The following PDK1 variants were observed in gnomAD, a reference collection of about 807,000 sequenced individuals.
The protein encoded by PDK1 is pyruvate dehydrogenase kinase 1, also known as [Pyruvate dehydrogenase (acetyl-transferring)] kinase isozyme 1, mitochondrial.
In PDK1, 39 loss-of-function variants were observed where a neutral mutation model predicts 54.2. The ratio of observed to expected loss-of-function variants is 0.72; its 90% CI spans 0.56 to 0.94. The LOEUF (loss-of-function observed/expected upper bound fraction) is 0.94, where lower values mean the gene tolerates loss of function less well. Ranked by LOEUF, PDK1 falls within the 40% of genes least tolerant of loss-of-function variation. The pLI is 0.00. For synonymous variants in PDK1, 221 were observed against 207.1 expected, an observed-to-expected ratio of 1.07 and a Z score of -0.58; for missense variants, 552 against 566.0, an observed-to-expected ratio of 0.98 and a Z score of 0.25.
At chr2:172,637,428 A>G in the PDK1 span, among the ~76,000 whole-genome samples, 1 of 148,374 alleles carries the variant, frequency 6.7e-6, no homozygotes. Context: ...TACCTGATAC[A>G]CCTTAACCCA....
chr2:172,658,422 T>C, the PDK1 span, among the ~76,000 whole-genome samples: 1 of 152,214 alleles, frequency 6.6e-6, no homozygotes, highest in Admixed American at 6.5e-5. Flanking sequence ...GTGATGATTG[T>C]GTTAACTGTA....
At chr2:172,657,647 T>C in the PDK1 span, among the ~76,000 whole-genome samples, 2 of 152,034 alleles carry the variant, frequency 1.3e-5, no homozygotes, top group Non-Finnish European at 2.9e-5. Flanking sequence ...CAATAGCAGG[T>C]GCAAGAAGAT....
At chr2:172,699,095 G>T in the PDK1 span, among the ~76,000 whole-genome samples, 3 of 152,180 alleles carry the variant, frequency 2.0e-5, no homozygotes, top group Non-Finnish European at 4.4e-5. Context: ...CATGTCCCCA[G>T]AATCTATTGT....
the PDK1 span, among the ~76,000 whole-genome samples, chr2:172,671,978 C>T: frequency 6.6e-6 from 1 of 152,072 alleles, no homozygotes. Context: ...GAGAGAAAGT[C>T]AGCTGCCGTT....
At chr2:172,630,975 T>A in the PDK1 span, among the ~76,000 whole-genome samples, 1 of 152,158 alleles carries the variant, frequency 6.6e-6, no homozygotes, top group African/African-American at 2.4e-5. Context: ...CCCCAGGTAC[T>A]CAAAAAATAT....
the PDK1 span, among the ~76,000 whole-genome samples, chr2:172,622,441 C>T: frequency 2.1e-5 from 3 of 144,348 alleles, no homozygotes; most frequent in Admixed American, 2.1e-4. Context: ...ATGTTTATAT[C>T]TCATATATTA....
Position 172,562,260 on chromosome 2 carries a change from A to C in PDK1, c.379A>C (p.Lys127Gln), listed in dbSNP as rs1688692961. ...SLQELLDFKD[K>Q]SAEDAKAIYD... ...TCAGGAGCTTCTTGATTTTAAGGAC[A>C]AAAGTGCTGAGGATGCTAAAGCTAT... Residue 127 changes from lysine to glutamine, a missense_variant, in exon 3 of 11, where the codon AAA (lysine) becomes CAA (glutamine). Coordinates refer to ENST00000282077, the MANE Select transcript of PDK1 (RefSeq NM_002610.5). The C allele has an allele frequency of 6.2e-7, 1 of 1,603,140 alleles. No homozygotes were observed. Among genetic ancestry groups the C allele is most frequent in the Non-Finnish European group, 8.5e-7 (1 of 1,170,172 alleles).
At chr2:172,640,986 T>G in the PDK1 span, among the ~76,000 whole-genome samples, 955 of 92,304 alleles carry the variant, frequency 0.01, 11 homozygotes, top group African/African-American at 0.031. Flanking sequence ...TCTGTTTCTT[T>G]CTTTCTTTCT....
chr2:172,622,010 A>T, the PDK1 span, among the ~76,000 whole-genome samples: 2,787 of 148,856 alleles, frequency 0.019, 93 homozygotes, highest in African/African-American at 0.064. Context: ...ATAGCTCATG[A>T]TGCATGTTCA....
At chr2:172,662,638 T>C in the PDK1 span, among the ~76,000 whole-genome samples, 4 of 152,124 alleles carry the variant, frequency 2.6e-5, no homozygotes, top group Non-Finnish European at 5.9e-5. Context: ...ATTTGGATCA[T>C]TCCCAATTTG....
the PDK1 span, among the ~76,000 whole-genome samples, chr2:172,669,386 T>C: frequency 2.0e-5 from 3 of 152,214 alleles, no homozygotes; most frequent in South Asian, 4.1e-4. Flanking sequence ...TATTCCATCG[T>C]GTATATATAA....
At chr2:172,593,293 T>A (rs115947802) in intron 10 of PDK1, among the ~76,000 whole-genome samples, 1 of 152,156 alleles carries the variant, frequency 6.6e-6, no homozygotes, top group Non-Finnish European at 1.5e-5. Context: ...AAGTAGAGAA[T>A]CATAAGTTAT....
rs529258542 is a variant in PDK1, at chr2:172,592,501, C to CT, written c.1057-433dup. On this transcript the variant is annotated intron_variant, in intron 9 of 10. Transcript: ENST00000282077. ...TCTCTCTCTTCCTCTGTCTCTCTCT[C>CT]TGACTTTCTGTCTCTTTCTCTCTTT... 4.1e-3 allele frequency among the ~76,000 whole-genome samples: 623 copies of CT among 152,220 alleles called. 2 individuals are homozygous for CT. Among genetic ancestry groups the CT allele is most frequent in the Admixed American group, 7.1e-3 (109 of 15,290 alleles).
chr2:172,577,755 A>T (rs1558942188), intron 8 of PDK1, among the ~76,000 whole-genome samples: 1 of 152,134 alleles, frequency 6.6e-6, no homozygotes, highest in Non-Finnish European at 1.5e-5. Flanking sequence ...TGTTATTGTC[A>T]TATAACATAC....
downstream of PDK1, among the ~76,000 whole-genome samples, chr2:172,609,337 C>T (rs1042212580): frequency 2.0e-5 from 3 of 152,194 alleles, no homozygotes; most frequent in African/African-American, 7.2e-5. Flanking sequence ...AAAAAGACAG[C>T]TTTTCCTCCT....
the PDK1 span, among the ~76,000 whole-genome samples, chr2:172,709,589 G>A: frequency 2.0e-5 from 3 of 152,118 alleles, no homozygotes; most frequent in Non-Finnish European, 4.4e-5. Context: ...TGCTCGAATG[G>A]TTACATTGTG....
the PDK1 span, among the ~76,000 whole-genome samples, chr2:172,689,654 A>G: frequency 2.0e-5 from 3 of 152,200 alleles, no homozygotes; most frequent in Non-Finnish European, 2.9e-5. Context: ...AAACAGAGAT[A>G]TAGACCAATG....
At chr2:172,722,410 C>T in the PDK1 span, among the ~76,000 whole-genome samples, 1 of 152,222 alleles carries the variant, frequency 6.6e-6, no homozygotes, top group Non-Finnish European at 1.5e-5. Flanking sequence ...ACCAAGCTTG[C>T]CAGTTATCTG....
chr2:172,556,367 T>A (rs761509157), intron 1 of PDK1, 21 bp downstream of exon 1: 1 of 1,400,206 alleles, frequency 7.1e-7, no homozygotes, highest in Non-Finnish European at 9.3e-7. Flanking sequence ...CCCGGGACCT[T>A]GGGCCTTTTT....
Sources: allele counts gnomAD v4.1 joint callset (sites outside exome capture counted in the v4.1 genomes callset), GRCh38; gene constraint gnomAD v4.1.1; transcripts MANE v1.5; gene names NCBI Gene and HGNC (gene_info 2026-07-23, HGNC 2026-07-21).